KAZN: variants seen among roughly 807,000 people sequenced by gnomAD.
KAZN encodes kazrin.
Under a neutral mutation model 87.4 loss-of-function variants are expected in KAZN, and 40 were observed. That is an observed-to-expected ratio of 0.46 (90% confidence interval 0.36 to 0.60). KAZN has a LOEUF of 0.60. Among genes scored for constraint, KAZN ranks in the 20% least tolerant of loss-of-function variants. The pLI, the probability that KAZN is intolerant of heterozygous loss-of-function variation, is 0.00. For synonymous variants in KAZN, 466 were observed against 458.3 expected (o/e 1.02, Z -0.22); for missense variants, 898 against 1,073.9 (o/e 0.84, Z 2.29).
At chr1:14,407,929 T>C (rs559687429) in intron 2 of KAZN, among the ~76,000 whole-genome samples, 7 of 152,332 alleles carry the variant, frequency 4.6e-5, no homozygotes, top group African/African-American at 1.7e-4. Flanking sequence ...TATTTGCTAC[T>C]TTATGCAGGT....
At chr1:15,049,118 G>A (rs1397949660) in intron 4 of KAZN, among the ~76,000 whole-genome samples, 4 of 152,206 alleles carry the variant, frequency 2.6e-5, no homozygotes, top group Non-Finnish European at 5.9e-5. Flanking sequence ...CTTTTGACGG[G>A]AGTCCAGCCA....
chr1:14,835,364 A>T (rs1647198759), intron 1 of KAZN, among the ~76,000 whole-genome samples: 1 of 152,170 alleles, frequency 6.6e-6, no homozygotes, highest in South Asian at 2.1e-4. Flanking sequence ...AGAATGAGAG[A>T]TGGGCTACAG....
intron 2 of KAZN, among the ~76,000 whole-genome samples, chr1:14,484,675 C>T (rs1399798749): frequency 1.3e-5 from 2 of 152,192 alleles, no homozygotes; most frequent in Admixed American, 6.5e-5. Flanking sequence ...ATCCAAGACT[C>T]GGCTCCGCAA....
intron 5 of KAZN, among the ~76,000 whole-genome samples, chr1:15,058,000 C>T (rs1415684724): frequency 6.6e-6 from 1 of 152,232 alleles, no homozygotes; most frequent in Non-Finnish European, 1.5e-5. Flanking sequence ...TCACATACAA[C>T]CATCTCCATG....
intron 2 of KAZN, among the ~76,000 whole-genome samples, chr1:14,491,163 A>G (rs1388568819): frequency 6.6e-6 from 1 of 152,212 alleles, no homozygotes; most frequent in Non-Finnish European, 1.5e-5. Flanking sequence ...TATTGCAATT[A>G]AGAAAGTGGT....
At chr1:14,481,724 C>T (rs1669095150) in intron 2 of KAZN, among the ~76,000 whole-genome samples, 1 of 151,410 alleles carries the variant, frequency 6.6e-6, no homozygotes, top group African/African-American at 2.4e-5. Flanking sequence ...GAGATGTATA[C>T]ACAGGGCAAC....
rs1027186957 is a variant in KAZN, at chr1:14,084,360, T to A, written c.92-96075T>A. Among the ~76,000 whole-genome samples, 17 of 152,230 alleles carry A rather than the reference T, an allele frequency of 1.1e-4. No individual in the cohort carries two copies. The East Asian group carries it at 2.9e-3, about 26-fold the overall frequency. Reference sequence around the variant, plus strand: ...TTTGGACATCCAGGTGGGGTGTCAGTCAGATGTTGGATTTATGGGTCTCAG... The same window carrying A: ...TTTGGACATCCAGGTGGGGTGTCAGACAGATGTTGGATTTATGGGTCTCAG... On this transcript the variant is annotated intron_variant, in intron 1 of 16. Coordinates refer to the KAZN transcript ENST00000636203.
intron 1 of KAZN, among the ~76,000 whole-genome samples, chr1:14,178,893 C>T (rs546702681): frequency 6.6e-6 from 1 of 152,198 alleles, no homozygotes; most frequent in South Asian, 2.1e-4. Context: ...TTTGGAAGGG[C>T]CTGGAATAGC....
Position 14,824,777 on chromosome 1 carries a change from G to A in KAZN, c.227-135907G>A, listed in dbSNP as rs558761069. Among the ~76,000 whole-genome samples, 8 of 152,112 alleles carry A rather than the reference G, an allele frequency of 5.3e-5. 1 individual carries two copies. Among genetic ancestry groups the A allele is most frequent in the Non-Finnish European group, 1.2e-4 (8 of 68,020 alleles). On this transcript the variant is annotated intron_variant, in intron 1 of 14. Transcript: ENST00000376030. ...CTCTCCTATGGGGGTAGTATTCTAC[G>A]GTATTTGCAGCCTTCTTCTATCTGG...
At chr1:14,630,576 C>T (rs1679490986) in intron 1 of KAZN, among the ~76,000 whole-genome samples, 1 of 152,138 alleles carries the variant, frequency 6.6e-6, no homozygotes, top group Non-Finnish European at 1.5e-5. Context: ...ATGACCTCTC[C>T]ACCAAAGGGC....
intron 2 of KAZN, among the ~76,000 whole-genome samples, chr1:14,334,500 G>T (rs1657088784): frequency 6.6e-6 from 1 of 152,120 alleles, no homozygotes; most frequent in Admixed American, 6.5e-5. Context: ...CATAAAGGAG[G>T]CATGGTCATC....
At chr1:14,668,015 G>A (rs1397561375) in intron 1 of KAZN, among the ~76,000 whole-genome samples, 2 of 152,090 alleles carry the variant, frequency 1.3e-5, no homozygotes, top group African/African-American at 4.8e-5. Flanking sequence ...TGATGTGACT[G>A]TTGCTCAGAT....
chr1:14,891,823 T>C (rs1177485310), intron 1 of KAZN, among the ~76,000 whole-genome samples: 1 of 152,196 alleles, frequency 6.6e-6, no homozygotes. Context: ...ATGCAATGAA[T>C]AGCTATTTCT....
intron 2 of KAZN, among the ~76,000 whole-genome samples, chr1:14,193,019 T>C (rs551548924): frequency 3.4e-4 from 51 of 152,188 alleles, no homozygotes; most frequent in Non-Finnish European, 5.4e-4. Context: ...ATGAAGGTGA[T>C]TGGATCATGG....
intron 2 of KAZN, among the ~76,000 whole-genome samples, chr1:14,537,913 C>T (rs1672595166): frequency 1.3e-5 from 2 of 152,140 alleles, no homozygotes; most frequent in South Asian, 4.1e-4. Flanking sequence ...AAAACTCATG[C>T]AAACAAGCAC....
chr1:14,488,740 C>A (rs1036271547), intron 2 of KAZN, among the ~76,000 whole-genome samples: 1 of 152,182 alleles, frequency 6.6e-6, no homozygotes, highest in Non-Finnish European at 1.5e-5. Context: ...GTAATTCCTG[C>A]GATGTCTGAG....
At chr1:14,966,807 GACTACAGGCATGTGCCACCAC>G (rs1195041980) in intron 2 of KAZN, among the ~76,000 whole-genome samples, 1 of 151,948 alleles carries the variant, frequency 6.6e-6, no homozygotes, top group Non-Finnish European at 1.5e-5. Context: ...GAGTAGCTGG[GACTACAGGCATGTGCCACCAC>G]ACCCAGCTAA....
chr1:14,606,912 C>G (rs1186872534), intron 1 of KAZN, among the ~76,000 whole-genome samples: 1 of 151,994 alleles, frequency 6.6e-6, no homozygotes, highest in Non-Finnish European at 1.5e-5. Context: ...CAAAATTATC[C>G]CTGGTTGCGA....
At chr1:14,050,851 C>A (rs149543092) in intron 1 of KAZN, among the ~76,000 whole-genome samples, 1 of 152,334 alleles carries the variant, frequency 6.6e-6, no homozygotes, top group East Asian at 1.9e-4. Flanking sequence ...CTGCCGCATC[C>A]TCAGAACAAA....
Sources: allele counts gnomAD v4.1 joint callset (sites outside exome capture counted in the v4.1 genomes callset), GRCh38; gene constraint gnomAD v4.1.1; transcripts MANE v1.5; gene names NCBI Gene and HGNC (gene_info 2026-07-23, HGNC 2026-07-21).